Variants in AGMO observed in about 807,000 individuals in gnomAD.
The protein encoded by AGMO is glyceryl-ether monooxygenase.
In AGMO, 75 loss-of-function variants were observed where a neutral mutation model predicts 60.2. The ratio of observed to expected loss-of-function variants is 1.25; its 90% CI spans 1.03 to 1.51. AGMO has a LOEUF of 1.51. Among genes scored for constraint, AGMO ranks in the 40% most tolerant of loss-of-function variants. AGMO has a pLI of 0.00. For missense variants in AGMO, 763 were observed against 525.5 expected (o/e 1.45, Z -4.42); for synonymous variants, 261 against 177.1 (o/e 1.47, Z -3.76).
intron 10 of AGMO, among the ~76,000 whole-genome samples, chr7:15,378,960 T>C (rs185599939): frequency 6.6e-6 from 1 of 152,152 alleles, no homozygotes; most frequent in Non-Finnish European, 1.5e-5. Flanking sequence ...AGAAATTCAC[T>C]CAAAACCATA....
chr7:15,354,428 ACG>A (rs1782411979), intron 12 of AGMO, among the ~76,000 whole-genome samples: 1 of 23,296 alleles, frequency 4.3e-5, no homozygotes, highest in South Asian at 2.2e-3. Context: ...GTATACACAC[ACG>A]TGTGTGTATA....
At chr7:15,346,874 T>A (rs886441636) in intron 12 of AGMO, among the ~76,000 whole-genome samples, 2 of 151,898 alleles carry the variant, frequency 1.3e-5, no homozygotes, top group African/African-American at 2.4e-5. Flanking sequence ...ATTTTGTATA[T>A]CTAAATTTAT....
chr7:15,518,883 C>A (rs1343444137), intron 3 of AGMO, among the ~76,000 whole-genome samples: 2 of 151,804 alleles, frequency 1.3e-5, no homozygotes, highest in African/African-American at 4.8e-5. Context: ...GCTAAAGGAG[C>A]ATGTTCTAAC....
intron 12 of AGMO, among the ~76,000 whole-genome samples, chr7:15,354,459 CACGT>C (rs1292646749): frequency 0.038 from 634 of 16,812 alleles, 72 homozygotes; most frequent in African/African-American, 0.11. Flanking sequence ...TGTGTATACA[CACGT>C]GTGTGTATAC....
chr7:15,209,515 A>T (rs1041486846), intron 12 of AGMO, among the ~76,000 whole-genome samples: 3 of 152,160 alleles, frequency 2.0e-5, no homozygotes, highest in African/African-American at 7.2e-5. Context: ...GTTTTTGTTT[A>T]TGTCAAAGGG....
chr7:15,193,346 C>G, the AGMO span, among the ~76,000 whole-genome samples: 1 of 152,204 alleles, frequency 6.6e-6, no homozygotes, highest in African/African-American at 2.4e-5. Flanking sequence ...AAATATTTTA[C>G]AAAACAAAAT....
intron 3 of AGMO, 82 bp from the exon 4 acceptor site, chr7:15,431,190 G>T: frequency 1.1e-6 from 1 of 893,520 alleles, no homozygotes. Context: ...CTGCTCTGTT[G>T]AGTGAGGAAG....
chr7:15,247,459 C>CACACAGAGAGAG (rs139642069), intron 12 of AGMO, among the ~76,000 whole-genome samples: 48 of 115,282 alleles, frequency 4.2e-4, no homozygotes, highest in Middle Eastern at 9.4e-3. Flanking sequence ...CACACACACA[C>CACACAGAGAGAG]AGAGAGAGAG....
chr7:15,535,053 A>G (rs1473914069), intron 3 of AGMO, among the ~76,000 whole-genome samples: 1 of 151,856 alleles, frequency 6.6e-6, no homozygotes, highest in East Asian at 1.9e-4. Context: ...TACTTTTGTT[A>G]TTTGCATCTA....
intron 12 of AGMO, among the ~76,000 whole-genome samples, chr7:15,322,522 A>ATG (rs1563086145): frequency 4.6e-4 from 35 of 76,598 alleles, no homozygotes; most frequent in African/African-American, 2.3e-3. Flanking sequence ...ATATAAATAT[A>ATG]TATAAATATA....
chr7:15,455,069 TC>T (rs1001105387), intron 3 of AGMO, among the ~76,000 whole-genome samples: 1 of 126,236 alleles, frequency 7.9e-6, no homozygotes, highest in Admixed American at 8.4e-5. Context: ...ATTTTCTTTC[TC>T]TCTCTCTTTC....
At chr7:15,539,084 T>G (rs1784551477) in intron 3 of AGMO, among the ~76,000 whole-genome samples, 1 of 152,154 alleles carries the variant, frequency 6.6e-6, no homozygotes, top group African/African-American at 2.4e-5. Context: ...AATATAATAG[T>G]AAAAGGTGCA....
chr7:15,262,602 T>TA (rs932345975), intron 12 of AGMO, among the ~76,000 whole-genome samples: 43 of 150,240 alleles, frequency 2.9e-4, no homozygotes, highest in Non-Finnish European at 3.9e-4. Flanking sequence ...TTCACAGAAC[T>TA]AAAAAAAAAT....
intron 12 of AGMO, among the ~76,000 whole-genome samples, chr7:15,341,792 C>T (rs1001261368): frequency 6.6e-6 from 1 of 151,984 alleles, no homozygotes; most frequent in Non-Finnish European, 1.5e-5. Flanking sequence ...TGGCAGAAGG[C>T]AAAGGAGGAG....
chr7:15,467,448 G>C (rs1271804792), intron 3 of AGMO, among the ~76,000 whole-genome samples: 4 of 152,142 alleles, frequency 2.6e-5, no homozygotes, highest in African/African-American at 9.7e-5. Flanking sequence ...GTTTTGATAT[G>C]GGTGTTCCCT....
At chr7:15,207,504 G>A (rs1302013819) in intron 12 of AGMO, among the ~76,000 whole-genome samples, 1 of 151,940 alleles carries the variant, frequency 6.6e-6, no homozygotes, top group Non-Finnish European at 1.5e-5. Context: ...TATTTACATT[G>A]TTTTCCTGGA....
intron 3 of AGMO, among the ~76,000 whole-genome samples, chr7:15,496,550 C>CA (rs5882517): frequency 0.72 from 106,559 of 149,012 alleles, 39,131 homozygotes; most frequent in East Asian, 0.96. Context: ...GCTGAGGAAT[C>CA]AAAAAAAAAA....
intron 12 of AGMO, among the ~76,000 whole-genome samples, chr7:15,322,457 AAT>A (rs1303190105): frequency 2.6e-5 from 2 of 77,362 alleles, no homozygotes; most frequent in African/African-American, 4.4e-5. Flanking sequence ...TATATATATA[AAT>A]ATATATAAAT....
chr7:15,255,534 C>CAAAAAAAAAAAAAAAAAAAAAAAAA (rs60035165), intron 12 of AGMO, among the ~76,000 whole-genome samples: 1 of 115,828 alleles, frequency 8.6e-6, no homozygotes, highest in Non-Finnish European at 1.8e-5. Context: ...TGTAAGAATA[C>CAAAAAAAAAAAAAAAAAAAAAAAAA]AAAAAAAAAA....
Sources: allele counts gnomAD v4.1 joint callset (sites outside exome capture counted in the v4.1 genomes callset), GRCh38; gene constraint gnomAD v4.1.1; transcripts MANE v1.5; gene names NCBI Gene and HGNC (gene_info 2026-07-23, HGNC 2026-07-21).